Variants in FBXL2 observed in about 807,000 individuals in gnomAD.
FBXL2 encodes the protein F-box/LRR-repeat protein 2.
Under a neutral mutation model 69.2 loss-of-function variants are expected in FBXL2, and 38 were observed. That is an observed-to-expected ratio of 0.55 (90% CI 0.42 to 0.72). The LOEUF is 0.72. Ranked by LOEUF, FBXL2 falls within the 30% of genes least tolerant of loss-of-function variation. The pLI, the probability that FBXL2 is intolerant of heterozygous loss-of-function variation, is 0.00. For synonymous variants in FBXL2, 192 were observed against 201.3 expected (o/e 0.95, Z 0.39); for missense variants, 354 against 520.3 (o/e 0.68, Z 3.11).
chr3:33,337,764 A>G (rs1191810436), intron 2 of FBXL2, among the ~76,000 whole-genome samples: 2 of 152,196 alleles, frequency 1.3e-5, no homozygotes, highest in Non-Finnish European at 2.9e-5. Flanking sequence ...AACTTCAGCG[A>G]AGTTTCAGGA....
At chr3:33,392,249 T>C (rs370131216), downstream of FBXL2, 65 of 242,514 alleles carry the variant, frequency 2.7e-4, no homozygotes, top group African/African-American at 1.4e-3. Flanking sequence ...CTTTCCCCAA[T>C]AGGAGTTTCA....
chr3:33,348,079 A>G (rs2040573960), intron 2 of FBXL2, among the ~76,000 whole-genome samples: 1 of 151,994 alleles, frequency 6.6e-6, no homozygotes, highest in Admixed American at 6.6e-5. Context: ...GTGGGGTATT[A>G]CTCAAGAAAT....
chr3:33,304,692 GAT>G (rs2036569633), intron 2 of FBXL2, among the ~76,000 whole-genome samples: 1 of 152,010 alleles, frequency 6.6e-6, no homozygotes, highest in African/African-American at 2.4e-5. Context: ...AGGCTATACA[GAT>G]ATTTAACTTT....
At chr3:33,416,500 T>G in the FBXL2 span, among the ~76,000 whole-genome samples, 1 of 152,172 alleles carries the variant, frequency 6.6e-6, no homozygotes, top group African/African-American at 2.4e-5. Context: ...GCTTATAGGT[T>G]TTTGTTGTGG....
intron 2 of FBXL2, among the ~76,000 whole-genome samples, chr3:33,299,557 C>CT (rs2036077852): frequency 6.6e-6 from 1 of 152,166 alleles, no homozygotes; most frequent in Non-Finnish European, 1.5e-5. Context: ...CTCACATTTG[C>CT]TGTCATCAGG....
intron 4 of FBXL2, among the ~76,000 whole-genome samples, chr3:33,363,679 A>G (rs2041778100): frequency 6.6e-6 from 1 of 152,214 alleles, no homozygotes; most frequent in Non-Finnish European, 1.5e-5. Flanking sequence ...AGGGCATGGT[A>G]GTACTACAGG....
chr3:33,384,021 T>C lies in FBXL2; in HGVS notation c.984T>C (p.Asp328=), dbSNP rs1252291581. ...SLSHCELITD[D]GILHLSNSTC... is the part of the protein sequence containing the mutation. Reference sequence around the variant, plus strand: ...CCCACTGTGAACTCATCACAGATGATGGGATCCTGCACCTGAGCAACAGTA... The same window carrying C: ...CCCACTGTGAACTCATCACAGATGACGGGATCCTGCACCTGAGCAACAGTA... Residue 328 remains aspartate (D), a synonymous_variant, in exon 14 of 15, where the codon GAT becomes GAC. Coordinates refer to ENST00000484457, the MANE Select transcript of FBXL2 (RefSeq NM_012157.5). The C allele has an allele frequency of 1.9e-6, 3 of 1,614,130 alleles. No homozygotes were observed. The highest frequency in any genetic ancestry group is 1.7e-4 in the Middle Eastern group (1 of 6,060).
chr3:33,360,044 G>A (rs2041499696), intron 4 of FBXL2, among the ~76,000 whole-genome samples: 1 of 152,112 alleles, frequency 6.6e-6, no homozygotes, highest in African/African-American at 2.4e-5. Flanking sequence ...TTGTACTTAG[G>A]AATTGTCTGA....
chr3:33,345,192 G>A (rs901568490), intron 2 of FBXL2, among the ~76,000 whole-genome samples: 1 of 152,204 alleles, frequency 6.6e-6, no homozygotes, highest in Non-Finnish European at 1.5e-5. Flanking sequence ...CCCCTCTGAA[G>A]GCTCTAGGGG....
intron 2 of FBXL2, among the ~76,000 whole-genome samples, chr3:33,318,913 T>C (rs1469479484): frequency 1.3e-5 from 2 of 152,160 alleles, no homozygotes; most frequent in Non-Finnish European, 2.9e-5. Context: ...TACATGGCTG[T>C]ACGTACCTGC....
chr3:33,364,544 C>T, intron 4 of FBXL2, 81 bp from the exon 5 acceptor site: 5 of 1,208,696 alleles, frequency 4.1e-6, no homozygotes, highest in South Asian at 3.8e-5. Context: ...ATATTCAGTT[C>T]CTAGATTTCA....
intron 10 of FBXL2, 67 bp downstream of exon 10, chr3:33,375,485 C>T (rs1366515487): frequency 2.2e-5 from 34 of 1,565,760 alleles, no homozygotes; most frequent in Non-Finnish European, 2.8e-5. Flanking sequence ...GGGCTTCCTT[C>T]AGGAGAGGAC....
intron 2 of FBXL2, among the ~76,000 whole-genome samples, chr3:33,315,212 C>CTCCTT (rs1011276660): frequency 2.7e-5 from 4 of 150,582 alleles, no homozygotes; most frequent in African/African-American, 7.3e-5. Context: ...CTTTTTCTTT[C>CTCCTT]TCCTTTCCTT....
Position 33,312,319 on chromosome 3 carries a change from A to G in FBXL2, c.65+14594A>G, listed in dbSNP as rs1023391750. ...AGCAGTCCTCCTGCCTCAGCCTCCC[A>G]AAGTGTTGGGATTACATGCATGAGT... is the stretch of plus-strand genomic sequence containing the variant. On this transcript the variant is annotated intron_variant, in intron 2 of 14. Transcript: ENST00000484457. Among the ~76,000 whole-genome samples, 25 of 152,310 alleles carry G rather than the reference A, an allele frequency of 1.6e-4. No homozygotes were observed. In the South Asian group the frequency reaches 5.2e-3, roughly 32 times the overall value.
At chr3:33,396,851 C>G in intron 12 of FBXL2, 1 of 688,552 alleles carries the variant, frequency 1.5e-6, no homozygotes, top group Non-Finnish European at 2.7e-6. Flanking sequence ...CTGCCCTCAT[C>G]AGTGCCTGCA....
At chr3:33,412,378 T>A in the FBXL2 span, among the ~76,000 whole-genome samples, 9 of 151,718 alleles carry the variant, frequency 5.9e-5, no homozygotes, top group East Asian at 1.7e-3. Flanking sequence ...TACATACATA[T>A]ATATGTATGT....
At chr3:33,359,479 G>A in intron 4 of FBXL2, 122 bp downstream of exon 4, 5 of 550,582 alleles carry the variant, frequency 9.1e-6, no homozygotes, top group Admixed American at 3.2e-5. Flanking sequence ...AGAACAGAAA[G>A]AAGAAAAACT....
intron 12 of FBXL2, among the ~76,000 whole-genome samples, chr3:33,395,820 G>A (rs1575450110): frequency 7.5e-6 from 1 of 133,480 alleles, no homozygotes; most frequent in African/African-American, 2.9e-5. Context: ...AGCTGCCAGT[G>A]TTATATTCAT....
intron 2 of FBXL2, among the ~76,000 whole-genome samples, chr3:33,316,299 T>C (rs776163758): frequency 5.9e-5 from 9 of 151,998 alleles, no homozygotes; most frequent in African/African-American, 1.9e-4. Flanking sequence ...CCTCAAGTGA[T>C]CCACCCACCT....
Sources: gnomAD v4.1 joint callset for allele counts (sites outside exome capture counted in the v4.1 genomes callset) on GRCh38, gnomAD v4.1.1 for gene constraint, MANE v1.5 for transcripts, NCBI Gene and HGNC (gene_info 2026-07-23, HGNC 2026-07-21) for gene names.